Variants in KIAA0586 observed in about 807,000 individuals in gnomAD.
KIAA0586 encodes KIAA0586, also known as protein TALPID3.
Under a neutral mutation model 169.8 loss-of-function variants are expected in KIAA0586, and 144 were observed. The ratio of observed to expected loss-of-function variants is 0.85; its 90% CI spans 0.74 to 0.97. The LOEUF is 0.97. Among genes scored for constraint, KIAA0586 ranks in the 50% least tolerant of loss-of-function variants. KIAA0586 has a pLI of 0.00. For synonymous variants in KIAA0586, 625 were observed against 612.4 expected (o/e 1.02, Z -0.30); for missense variants, 1,854 against 1,823.0 (o/e 1.02, Z -0.31).
At chr14:58,503,483 T>C (rs1400601401) in intron 27 of KIAA0586, among the ~76,000 whole-genome samples, 1 of 152,196 alleles carries the variant, frequency 6.6e-6, no homozygotes, top group East Asian at 1.9e-4. Context: ...ATTCAGAAGA[T>C]ATTTTTGAGT....
intron 4 of KIAA0586, among the ~76,000 whole-genome samples, chr14:58,438,254 G>A (rs938362392): frequency 6.6e-6 from 1 of 152,090 alleles, no homozygotes; most frequent in African/African-American, 2.4e-5. Context: ...GCCACATTGA[G>A]CATTTATTAA....
rs764690540 is a variant in KIAA0586 at position 58,428,469 on chromosome 14, T to A, written c.199+6T>A. The A allele has an allele frequency of 3.6e-5, 57 of 1,591,964 alleles. No individual in the cohort carries two copies. Among genetic ancestry groups the A allele is most frequent in the Middle Eastern group, 3.3e-4 (2 of 6,028 alleles). On this transcript the variant is annotated splice_donor_region_variant and intron_variant, in intron 1 of 30. Transcript: ENST00000652326. ...TTTGAATGGAACATCACGTGGTATG[T>A]GATTCCATGTAGTTTTTCAACCAGT...
intron 6 of KIAA0586, among the ~76,000 whole-genome samples, 186 bp downstream of exon 6, chr14:58,444,361 T>G (rs1330557810): frequency 6.6e-6 from 1 of 152,210 alleles, no homozygotes; most frequent in Non-Finnish European, 1.5e-5. Context: ...ATGTCACTAG[T>G]TGTGTGAGAC....
chr14:58,484,906 A>ATATATT (rs1421438187), intron 21 of KIAA0586, among the ~76,000 whole-genome samples: 1 of 26,192 alleles, frequency 3.8e-5, no homozygotes, highest in Non-Finnish European at 7.5e-5. Context: ...ATATATATAT[A>ATATATT]TATATATATA....
chr14:58,560,634 T>C, the KIAA0586 span, among the ~76,000 whole-genome samples: 1 of 152,222 alleles, frequency 6.6e-6, no homozygotes, highest in African/African-American at 2.4e-5. Flanking sequence ...TTGTCTTGCA[T>C]CTGTCACTTA....
At chr14:58,529,017 G>C (rs1257469342) in intron 29 of KIAA0586, among the ~76,000 whole-genome samples, 1 of 152,054 alleles carries the variant, frequency 6.6e-6, no homozygotes, top group African/African-American at 2.4e-5. Context: ...AAATGATAAA[G>C]GGGACATCAC....
At chr14:58,499,628 G>A (rs545505074) in intron 27 of KIAA0586, among the ~76,000 whole-genome samples, 59 of 151,418 alleles carry the variant, frequency 3.9e-4, no homozygotes, top group Non-Finnish European at 7.4e-4. Context: ...GCACAATCTC[G>A]GCTCACTGCA....
chr14:58,501,897 C>G (rs1174092579), intron 27 of KIAA0586, among the ~76,000 whole-genome samples: 3 of 152,188 alleles, frequency 2.0e-5, no homozygotes, highest in African/African-American at 7.2e-5. Context: ...CCGGTAGTGG[C>G]TTACCTGGGT....
intron 3 of KIAA0586, among the ~76,000 whole-genome samples, chr14:58,431,664 A>G (rs2037385482): frequency 6.6e-6 from 1 of 152,206 alleles, no homozygotes; most frequent in Non-Finnish European, 1.5e-5. Context: ...TTTGGGCAGT[A>G]TGGTCATTTT....
At chr14:58,503,797 CAG>C (rs1595405144) in intron 27 of KIAA0586, among the ~76,000 whole-genome samples, 3 of 137,760 alleles carry the variant, frequency 2.2e-5, no homozygotes, top group African/African-American at 5.6e-5. Flanking sequence ...TGCAATGAGA[CAG>C]GGGACAAAGG....
At chr14:58,557,572 C>G in the KIAA0586 span, among the ~76,000 whole-genome samples, 3 of 151,934 alleles carry the variant, frequency 2.0e-5, no homozygotes, top group African/African-American at 4.8e-5. Context: ...GCCACCAGAC[C>G]GAGAGATTTC....
At position 58,467,090 on chromosome 14, in the gene KIAA0586, T is replaced by A. The variant is rs565380340; in HGVS notation, c.2255-645T>A. 2.0e-5 allele frequency among the ~76,000 whole-genome samples: 3 copies of A among 152,236 alleles called. 1 individual carries two copies. Among genetic ancestry groups the A allele is most frequent in the Non-Finnish European group, 4.4e-5 (3 of 68,038 alleles). On this transcript the variant is annotated intron_variant, in intron 15 of 30. Coordinates refer to ENST00000652326, the MANE Select transcript of KIAA0586 (RefSeq NM_001329943.3). ...ATGTAAGAGACTTTTTTATTTTTGA[T>A]ATTATGGGTTAATTTCATGTCAACA... is the stretch of plus-strand genomic sequence containing the variant.
intron 21 of KIAA0586, among the ~76,000 whole-genome samples, chr14:58,485,344 G>T (rs1210769532): frequency 6.6e-6 from 1 of 151,964 alleles, no homozygotes; most frequent in Non-Finnish European, 1.5e-5. Flanking sequence ...AAGAAAAAAA[G>T]TTATTGAAAT....
At chr14:58,513,676 T>A (rs1057223553) in intron 29 of KIAA0586, among the ~76,000 whole-genome samples, 2 of 151,990 alleles carry the variant, frequency 1.3e-5, no homozygotes, top group African/African-American at 4.8e-5. Flanking sequence ...TTAATCATGA[T>A]AGTATATCGA....
At chr14:58,476,500 C>G (rs1350636372) in intron 19 of KIAA0586, among the ~76,000 whole-genome samples, 1 of 152,100 alleles carries the variant, frequency 6.6e-6, no homozygotes, top group African/African-American at 2.4e-5. Context: ...GGAAATCAAA[C>G]AGTTTAGGTA....
intron 23 of KIAA0586, 112 bp downstream of exon 23, chr14:58,488,221 T>TTA (rs1161505497): frequency 2.4e-6 from 2 of 845,750 alleles, no homozygotes; most frequent in Non-Finnish European, 3.5e-6. Flanking sequence ...ACAGACTACC[T>TTA]TATACTTTGA....
At chr14:58,543,131 CAAA>C (rs35632146) in intron 30 of KIAA0586, among the ~76,000 whole-genome samples, 1 of 119,950 alleles carries the variant, frequency 8.3e-6, no homozygotes, top group Non-Finnish European at 1.8e-5. Context: ...GATTACGTCT[CAAA>C]AAAAAAAAAA....
chr14:58,493,837 G>T (rs2042979904), intron 26 of KIAA0586, among the ~76,000 whole-genome samples: 1 of 152,008 alleles, frequency 6.6e-6, no homozygotes, highest in African/African-American at 2.4e-5. Flanking sequence ...AGAAAGGAGG[G>T]AGAGGAGAGA....
rs747446312 is a variant in KIAA0586, at chr14:58,488,762, A to G, written c.3669A>G (p.Ser1223=). 24 of 1,613,898 alleles carry G rather than the reference A, an allele frequency of 1.5e-5. 1 individual carries two copies. In the South Asian group the frequency reaches 2.5e-4, roughly 17 times the overall value. Residue 1223 remains serine, a synonymous_variant, in exon 24 of 31, where the codon TCA becomes TCG. Transcript: ENST00000652326. ...CCTCACAGATGCCAGGTTCTGATTC[A>G]TCAACACTGGAGAGCACATTGAGTG... ...PSPSQMPGSD[S]STLESTLSVT...
Sources: gnomAD v4.1 joint callset for allele counts (sites outside exome capture counted in the v4.1 genomes callset) on GRCh38, gnomAD v4.1.1 for gene constraint, MANE v1.5 for transcripts, NCBI Gene and HGNC (gene_info 2026-07-23, HGNC 2026-07-21) for gene names.